Variants in ATP6V0D2 observed in about 807,000 individuals in gnomAD.
ATP6V0D2 encodes ATPase H+ transporting V0 subunit d2.
In ATP6V0D2, 40 loss-of-function variants were observed where a neutral mutation model predicts 40.0. That is an observed-to-expected ratio of 1.00 (90% CI 0.78 to 1.30). The LOEUF is 1.30. ATP6V0D2 is among the 50% of genes most tolerant of loss of function. The pLI, the probability that ATP6V0D2 is intolerant of heterozygous loss-of-function variation, is 0.00. For missense variants in ATP6V0D2, 470 were observed against 423.1 expected, an observed-to-expected ratio of 1.11 and a Z score of -0.97; for synonymous variants, 179 against 156.3, an observed-to-expected ratio of 1.15 and a Z score of -1.08.
intron 1 of ATP6V0D2, among the ~76,000 whole-genome samples, chr8:86,103,180 C>T (rs185883882): frequency 1.8e-4 from 27 of 151,782 alleles, no homozygotes; most frequent in Admixed American, 1.5e-3. Context: ...TCCAATGGCA[C>T]GATCTTGGCT....
intron 2 of ATP6V0D2, among the ~76,000 whole-genome samples, chr8:86,129,982 G>GAAAAAA (rs869058078): frequency 3.6e-4 from 33 of 92,418 alleles, no homozygotes; most frequent in East Asian, 6.3e-4. Context: ...GTCTCGAAAA[G>GAAAAAA]AAAAAAAAAA....
At chr8:86,115,801 C>T (rs1314097095) in intron 2 of ATP6V0D2, among the ~76,000 whole-genome samples, 1 of 152,160 alleles carries the variant, frequency 6.6e-6, no homozygotes, top group African/African-American at 2.4e-5. Flanking sequence ...TTAACTTCTA[C>T]ACATGCCTTT....
At chr8:86,138,523 G>A (rs1458274541) in intron 2 of ATP6V0D2, among the ~76,000 whole-genome samples, 2 of 152,040 alleles carry the variant, frequency 1.3e-5, no homozygotes, top group Non-Finnish European at 2.9e-5. Context: ...TGCACCCAGG[G>A]TATCCCGAGC....
At chr8:86,104,850 T>TACACACACACACACACACACACACAC (rs146266622) in intron 1 of ATP6V0D2, among the ~76,000 whole-genome samples, 5 of 145,968 alleles carry the variant, frequency 3.4e-5, no homozygotes, top group African/African-American at 1.3e-4. Context: ...TTAAAACACA[T>TACACACACACACACACACACACACAC]ACACACACAC....
Position 86,143,023 on chromosome 8 carries a change from A to G in ATP6V0D2, c.639+69A>G, listed in dbSNP as rs942414766. On this transcript the variant is annotated intron_variant, in intron 5 of 7. Transcript: ENST00000285393. The stretch of plus-strand genomic sequence containing the variant: ...TACATATTTTTATTGTTTTAACCTT[A>G]CTTATATTTCCTTATCTTTGAATTT... The G allele has an allele frequency of 6.3e-6, 7 of 1,115,858 alleles. No homozygotes were observed. In the African/African-American group the frequency reaches 1.1e-4, roughly 18 times the overall value. 69.1% of individuals were successfully genotyped at this position (1,115,858 alleles called of 1,614,324 possible).
chr8:86,145,451 T>G (rs1819057022), intron 5 of ATP6V0D2, among the ~76,000 whole-genome samples: 1 of 151,902 alleles, frequency 6.6e-6, no homozygotes. Context: ...AAGCCTGAAA[T>G]TCTTAAAATA....
intron 2 of ATP6V0D2, among the ~76,000 whole-genome samples, chr8:86,126,282 A>C (rs1173142846): frequency 2.4e-5 from 3 of 127,290 alleles, no homozygotes; most frequent in Non-Finnish European, 3.4e-5. Context: ...ATATAGTATA[A>C]AGTTCAGGTG....
chr8:86,139,969 C>T (rs1260027470), intron 3 of ATP6V0D2, among the ~76,000 whole-genome samples: 1 of 152,106 alleles, frequency 6.6e-6, no homozygotes, highest in African/African-American at 2.4e-5. Flanking sequence ...TAAATAATAG[C>T]ACTTGTCATT....
intron 5 of ATP6V0D2, among the ~76,000 whole-genome samples, chr8:86,143,998 A>G (rs1315272753): frequency 6.6e-6 from 1 of 152,204 alleles, no homozygotes; most frequent in Non-Finnish European, 1.5e-5. Context: ...CAAGCAACCC[A>G]TGAACATTCC....
Position 86,122,888 on chromosome 8 carries a change from C to T in ATP6V0D2, c.302+9008C>T, listed in dbSNP as rs895263669. The stretch of plus-strand genomic sequence containing the variant: ...TAGACATGAGTAGGGAGAACAGAGA[C>T]TTGGGCAAGAGAGTAAAGAGGTTGA... On this transcript the variant is annotated intron_variant, in intron 2 of 7. Transcript: ENST00000285393. Among the ~76,000 whole-genome samples the T allele has an allele frequency of 3.3e-5, 5 of 152,162 alleles. No individual in the cohort carries two copies. The South Asian group carries it at 1.0e-3, about 32-fold the overall frequency.
chr8:86,128,445 T>C (rs1818775722), intron 2 of ATP6V0D2, among the ~76,000 whole-genome samples: 1 of 152,228 alleles, frequency 6.6e-6, no homozygotes, highest in Non-Finnish European at 1.5e-5. Context: ...ACAGTGAAGC[T>C]GTTGTCATCA....
Position 86,116,823 on chromosome 8 carries a change from C to T in ATP6V0D2, c.302+2943C>T, listed in dbSNP as rs527380005. 5.3e-5 allele frequency among the ~76,000 whole-genome samples: 8 copies of T among 152,182 alleles called. No homozygotes were observed. The South Asian group carries it at 1.7e-3, about 32-fold the overall frequency. On this transcript the variant is annotated intron_variant, in intron 2 of 7. Transcript: ENST00000285393. ...TCTAAGTTCTCAACAAAGGTAGCAC[C>T]AATTTTAACCCCCTACAACAACCTG...
Position 86,150,194 on chromosome 8 carries a change from A to C in ATP6V0D2, c.722A>C (p.Tyr241Ser), listed in dbSNP as rs758980013. Residue 241 changes from tyrosine (Y) to serine (S), a missense_variant, in exon 6 of 8, where the codon TAT becomes TCT. By Grantham distance (144) the Tyr-to-Ser change is moderately radical. Transcript: ENST00000285393. ...ELSKEDRETL[Y>S]PTFGKLYPEG... ...AGCAAAGAAGACCGAGAGACCCTCT[A>C]TCCAACCTTCGGCAAACTCTATCCT... 3 of 1,613,458 alleles carry C rather than the reference A, an allele frequency of 1.9e-6. No homozygotes were observed. The highest frequency in any genetic ancestry group is 1.7e-6 in the Non-Finnish European group (2 of 1,179,882).
intron 1 of ATP6V0D2, 44 bp from the exon 2 acceptor site, chr8:86,113,665 T>G: frequency 1.3e-6 from 2 of 1,520,538 alleles, no homozygotes; most frequent in Non-Finnish European, 1.8e-6. Flanking sequence ...GCTATTTGTG[T>G]ATGTTCAAAA....
chr8:86,133,453 G>C (rs567384981), intron 2 of ATP6V0D2, among the ~76,000 whole-genome samples: 2 of 149,586 alleles, frequency 1.3e-5, no homozygotes, highest in Admixed American at 1.3e-4. Context: ...CTCCCGAGTA[G>C]CTAGGACTAC....
chr8:86,135,684 G>A (rs1373077203), intron 2 of ATP6V0D2, among the ~76,000 whole-genome samples: 2 of 152,176 alleles, frequency 1.3e-5, no homozygotes, highest in Non-Finnish European at 2.9e-5. Context: ...GCTCATCACA[G>A]TTTTAGGTGA....
At chr8:86,102,244 T>C (rs1414411391) in intron 1 of ATP6V0D2, among the ~76,000 whole-genome samples, 2 of 152,342 alleles carry the variant, frequency 1.3e-5, no homozygotes, top group East Asian at 3.9e-4. Flanking sequence ...AAATAAATAG[T>C]GTGTGAACAG....
chr8:86,123,066 CT>C (rs751111372), intron 2 of ATP6V0D2, among the ~76,000 whole-genome samples: 14 of 152,174 alleles, frequency 9.2e-5, no homozygotes, highest in South Asian at 4.2e-4. Context: ...TATTTTCCCC[CT>C]GGGTGGCCAT....
intron 2 of ATP6V0D2, among the ~76,000 whole-genome samples, chr8:86,132,929 T>C (rs958157345): frequency 6.6e-6 from 1 of 152,212 alleles, no homozygotes; most frequent in East Asian, 1.9e-4. Flanking sequence ...CTTGTACCAA[T>C]TGAAATTTCT....
Sources: allele counts gnomAD v4.1 joint callset (sites outside exome capture counted in the v4.1 genomes callset), GRCh38; gene constraint gnomAD v4.1.1; transcripts MANE v1.5; gene names NCBI Gene and HGNC (gene_info 2026-07-23, HGNC 2026-07-21).